The following ACOXL variants were observed in gnomAD, a reference collection of about 807,000 sequenced individuals.
ACOXL encodes the protein acyl-CoA oxidase like, also known as acyl-coenzyme A oxidase-like protein.
In ACOXL, 70 loss-of-function variants were observed where a neutral mutation model predicts 71.9. The ratio of observed to expected loss-of-function variants is 0.97; its 90% CI spans 0.80 to 1.19. ACOXL has a LOEUF of 1.19. ACOXL is among the 50% of genes most tolerant of loss of function. ACOXL has a pLI of 0.00. For synonymous variants in ACOXL, 253 were observed against 281.6 expected (o/e 0.90, Z 1.02); for missense variants, 703 against 736.3 (o/e 0.95, Z 0.52).
intron 11 of ACOXL, among the ~76,000 whole-genome samples, chr2:110,930,149 T>G (rs1391518426): frequency 1.3e-5 from 2 of 152,138 alleles, no homozygotes; most frequent in Admixed American, 1.3e-4. Flanking sequence ...TGAAAGTAGC[T>G]GGGGTAGGGG....
At chr2:110,939,852 T>A (rs998168742) in intron 12 of ACOXL, among the ~76,000 whole-genome samples, 1 of 152,220 alleles carries the variant, frequency 6.6e-6, no homozygotes, top group Non-Finnish European at 1.5e-5. Context: ...CCAAGACAAT[T>A]CTTGTTCTTC....
intron 10 of ACOXL, among the ~76,000 whole-genome samples, chr2:110,905,990 G>C (rs2059426457): frequency 6.6e-6 from 1 of 152,106 alleles, no homozygotes; most frequent in Non-Finnish European, 1.5e-5. Context: ...AAGAGGAACT[G>C]TGAGGGTCAA....
chr2:110,741,138 C>T (rs1294191250), intron 1 of ACOXL, among the ~76,000 whole-genome samples: 5 of 152,110 alleles, frequency 3.3e-5, no homozygotes, highest in East Asian at 1.9e-4. Flanking sequence ...TCTGGGCTTC[C>T]GATTCCTCAA....
intron 11 of ACOXL, among the ~76,000 whole-genome samples, chr2:110,921,438 G>A (rs1268460773): frequency 1.6e-5 from 2 of 128,832 alleles, no homozygotes; most frequent in African/African-American, 6.1e-5. Context: ...TGTTTCCCAG[G>A]CTGGAGTGCA....
intron 12 of ACOXL, among the ~76,000 whole-genome samples, chr2:110,963,412 G>T (rs896427550): frequency 6.6e-6 from 1 of 152,020 alleles, no homozygotes; most frequent in Non-Finnish European, 1.5e-5. Context: ...AATAATATTC[G>T]TGAACTAAAA....
chr2:110,767,027 A>G (rs1011939154), intron 1 of ACOXL, among the ~76,000 whole-genome samples: 3 of 152,180 alleles, frequency 2.0e-5, no homozygotes, highest in Non-Finnish European at 2.9e-5. Flanking sequence ...AGGAAGAGCA[A>G]TGCCCCACTG....
rs145538645 is a variant in ACOXL, at chr2:111,088,398, G to A, written c.1441-4467G>A. On this transcript the variant is annotated intron_variant, in intron 16 of 17. Coordinates refer to ENST00000439055, the MANE Select transcript of ACOXL (RefSeq NM_001142807.4). The stretch of plus-strand genomic sequence containing the variant: ...GCAAAGACATGCAATCAACCTAAAT[G>A]CCCATTAATGGTAGGCTTCGTAAAG... Among the ~76,000 whole-genome samples, 30 of 152,182 alleles carry A rather than the reference G, an allele frequency of 2.0e-4. No homozygotes were observed. The East Asian group carries it at 5.4e-3, about 27-fold the overall frequency.
intron 11 of ACOXL, among the ~76,000 whole-genome samples, chr2:110,923,365 A>G (rs947557182): frequency 1.3e-5 from 2 of 151,724 alleles, no homozygotes; most frequent in Non-Finnish European, 2.9e-5. Context: ...CGTAGGGCCC[A>G]TCTCCTAACT....
At chr2:111,056,913 G>T (rs775725473) in intron 16 of ACOXL, among the ~76,000 whole-genome samples, 8 of 152,150 alleles carry the variant, frequency 5.3e-5, no homozygotes, top group Non-Finnish European at 1.0e-4. Flanking sequence ...ATTTTTGAGT[G>T]CCTACTATGT....
intron 12 of ACOXL, among the ~76,000 whole-genome samples, chr2:110,967,568 T>G (rs752799090): frequency 6.6e-6 from 1 of 152,332 alleles, no homozygotes; most frequent in African/African-American, 2.4e-5. Context: ...ATCACTAGAC[T>G]GTGATGAGAT....
intron 12 of ACOXL, among the ~76,000 whole-genome samples, chr2:110,980,457 G>C (rs1472746290): frequency 1.3e-5 from 2 of 152,148 alleles, no homozygotes; most frequent in African/African-American, 2.4e-5. Flanking sequence ...CCCCAAGAAG[G>C]GAGAAAGGGA....
intron 15 of ACOXL, among the ~76,000 whole-genome samples, chr2:111,036,571 C>T (rs1164066871): frequency 1.3e-5 from 2 of 152,190 alleles, no homozygotes; most frequent in African/African-American, 4.8e-5. Context: ...CTACTTCAGT[C>T]ACACGGCCAA....
At chr2:110,944,535 T>A (rs1185703477) in intron 12 of ACOXL, among the ~76,000 whole-genome samples, 3 of 152,170 alleles carry the variant, frequency 2.0e-5, no homozygotes, top group African/African-American at 7.2e-5. Context: ...TGTCTGTTGT[T>A]CCCTTCTTTG....
rs202148375 is a variant in ACOXL, at chr2:111,049,306, G to T, written c.1440+18G>T. 2 of 1,586,290 alleles carry T rather than the reference G, an allele frequency of 1.3e-6. No individual in the cohort carries two copies. The highest frequency in any genetic ancestry group is 1.7e-5 in the Admixed American group (1 of 59,930). ...TAATGAAGGTAGGTTATCAGATAAA[G>T]AACTTATTTCCTAAAGGCTCAGAGC... On this transcript the variant is annotated intron_variant, in intron 16 of 17. Coordinates refer to ENST00000439055, the MANE Select transcript of ACOXL (RefSeq NM_001142807.4).
chr2:110,941,918 A>AT (rs1393047658), intron 12 of ACOXL, among the ~76,000 whole-genome samples: 1 of 152,262 alleles, frequency 6.6e-6, no homozygotes, highest in Non-Finnish European at 1.5e-5. Flanking sequence ...GGATAAATAC[A>AT]TGATGTTTTT....
At chr2:110,893,907 A>T (rs1034033379) in intron 10 of ACOXL, among the ~76,000 whole-genome samples, 4 of 152,090 alleles carry the variant, frequency 2.6e-5, no homozygotes, top group African/African-American at 9.7e-5. Flanking sequence ...TCTTTGAGAG[A>T]TATTTTTTAA....
intron 16 of ACOXL, among the ~76,000 whole-genome samples, chr2:111,082,336 GAAAC>G (rs1483138478): frequency 6.8e-6 from 1 of 148,142 alleles, no homozygotes; most frequent in East Asian, 2.0e-4. Flanking sequence ...AAAAAAAAAA[GAAAC>G]AACCCCATCA....
intron 12 of ACOXL, among the ~76,000 whole-genome samples, chr2:110,964,309 T>G (rs1371465375): frequency 6.6e-6 from 1 of 152,180 alleles, no homozygotes; most frequent in East Asian, 1.9e-4. Flanking sequence ...GAGTCCAAAT[T>G]TTCAACAATA....
chr2:111,018,276 G>A (rs1407791695), intron 14 of ACOXL, among the ~76,000 whole-genome samples: 2 of 152,076 alleles, frequency 1.3e-5, no homozygotes, highest in African/African-American at 4.8e-5. Context: ...GGGTGGGCTT[G>A]GTGCATAGGG....
Sources: gnomAD v4.1 joint callset for allele counts (sites outside exome capture counted in the v4.1 genomes callset) on GRCh38, gnomAD v4.1.1 for gene constraint, MANE v1.5 for transcripts, NCBI Gene and HGNC (gene_info 2026-07-23, HGNC 2026-07-21) for gene names.